The following ZC3H4 variants were observed in gnomAD, a reference collection of about 807,000 sequenced individuals.
The protein encoded by ZC3H4 is zinc finger CCCH domain-containing protein 4.
ZC3H4 carries 13 observed loss-of-function variants against 108.3 expected under a neutral mutation model. That is an observed-to-expected ratio of 0.12 (90% CI 0.08 to 0.19). ZC3H4 has a LOEUF of 0.19. ZC3H4 is among the 10% of genes least tolerant of loss of function. The pLI is 1.00. For missense variants in ZC3H4, 1,734 were observed against 1,838.8 expected, an observed-to-expected ratio of 0.94 and a Z score of 1.04; for synonymous variants, 917 against 749.6, an observed-to-expected ratio of 1.22 and a Z score of -3.65.
intron 3 of ZC3H4, 111 bp from the exon 4 acceptor site, chr19:47,094,191 C>A: frequency 8.6e-7 from 1 of 1,165,288 alleles, no homozygotes; most frequent in East Asian, 2.4e-5. Context: ...CTGCGCTTCA[C>A]CTGAAACACC....
At chr19:47,086,322 C>T in intron 6 of ZC3H4, 62 bp downstream of exon 6, 1 of 1,602,370 alleles carries the variant, frequency 6.2e-7, no homozygotes, top group Non-Finnish European at 8.5e-7. Context: ...ACCAGCAGTG[C>T]TCACGCCCCG....
intron 5 of ZC3H4, among the ~76,000 whole-genome samples, chr19:47,088,564 T>C (rs1281241841): frequency 6.6e-6 from 1 of 150,874 alleles, no homozygotes; most frequent in Non-Finnish European, 1.5e-5. Flanking sequence ...AAAGAAAGAA[T>C]TGCTTCAACC....
At position 47,084,585 on chromosome 19, in the gene ZC3H4, G is replaced by C. The variant is rs1029854251; in HGVS notation, c.1108-130C>G. On this transcript the variant is annotated intron_variant, in intron 8 of 14. Transcript: ENST00000253048. ...GATCTCACAAGAGCACCGATGGGCA[G>C]GCTGCATCTAACACGGAGGCTGCGT... 14 of 852,080 alleles carry C rather than the reference G, an allele frequency of 1.6e-5. No homozygotes were observed. In the Middle Eastern group the frequency reaches 6.6e-4, roughly 40 times the overall value. 52.8% of individuals were successfully genotyped at this position (852,080 alleles called of 1,614,324 possible). A position where few individuals can be genotyped will look rare whatever the true frequency, so the allele number is the denominator to read the frequency against.
In ZC3H4 at chr19:47,084,404, G is replaced by C; in HGVS notation, c.1159C>G (p.Gln387Glu). 6.2e-7 allele frequency: 1 copy of C among 1,614,224 alleles called. No individual in the cohort carries two copies. Among genetic ancestry groups the C allele is most frequent in the South Asian group, 1.1e-5 (1 of 91,088 alleles). ...RSRDHDKPHQ[Q>E]SDKKGKVICK... ...ATGACTTTGCCTTTCTTGTCCGACT[G>C]CTGGTGGGGCTTGTCATGGTCACGA... Residue 387 changes from glutamine to glutamate, a missense_variant, in exon 9 of 15, where the codon CAG becomes GAG. Gln to Glu is a conservative substitution (Grantham distance 29). Coordinates refer to ENST00000253048, the MANE Select transcript of ZC3H4 (RefSeq NM_015168.2).
chr19:47,079,311 G>T (rs2057478593), intron 11 of ZC3H4, among the ~76,000 whole-genome samples: 2 of 151,134 alleles, frequency 1.3e-5, no homozygotes, highest in South Asian at 2.1e-4. Flanking sequence ...TTACAGGAGT[G>T]AGCCACTGCG....
chr19:47,082,184 C>G lies in ZC3H4; in HGVS notation c.1330G>C (p.Gly444Arg). 1.9e-6 allele frequency: 3 copies of G among 1,611,048 alleles called. No homozygotes were observed. The highest frequency in any genetic ancestry group is 2.5e-6 in the Non-Finnish European group (3 of 1,177,244). The stretch of plus-strand genomic sequence containing the variant: ...ACCAGATGCTGGCACTAAAGGATAT[C>G]GTGCATATAAGGGCAGTTCTCAGCT... ...ARAENCPYMH[G>R]DFPCKLYHTT... The change falls in exon 10 of 15, where the codon GGT (glycine) becomes CGT (arginine). Residue 444 changes from glycine (G) to arginine (R), a missense_variant and splice_region_variant. By Grantham distance (125) the Gly-to-Arg change is moderately radical (BLOSUM62 -2). Coordinates refer to ENST00000253048, the MANE Select transcript of ZC3H4 (RefSeq NM_015168.2).
At chr19:47,095,153 C>T (rs1357603991) in intron 2 of ZC3H4, among the ~76,000 whole-genome samples, 2 of 152,214 alleles carry the variant, frequency 1.3e-5, no homozygotes, top group Non-Finnish European at 2.9e-5. Context: ...GTGAGCTGGG[C>T]GTCAGTGCCA....
chr19:47,094,511 C>G lies in ZC3H4; in HGVS notation c.259G>C (p.Gly87Arg), dbSNP rs1361177915. The G allele has an allele frequency of 5.6e-6, 9 of 1,614,110 alleles. No individual in the cohort carries two copies. The highest frequency in any genetic ancestry group is 1.3e-5 in the African/African-American group (1 of 74,950). The change falls in exon 3 of 15, where the codon GGG (glycine) becomes CGG (arginine). Residue 87 changes from glycine (G) to arginine (R), a missense_variant. Physicochemically the swap from Gly to Arg is moderately radical, Grantham distance 125. Transcript: ENST00000253048. ...TCCGAATCACTGTGATGCTTCTCCC[C>G]CTTTTCTTTCCGGCTTCTCTCAGGC... ...GGPERSRKEK[G>R]EKHHSDSDEE...
Position 47,094,516 on chromosome 19 carries a change from T to C in ZC3H4, c.254A>G (p.Glu85Gly), listed in dbSNP as rs376060157. The change falls in exon 3 of 15, where the codon GAA becomes GGA. Residue 85 changes from glutamate (E) to glycine (G), a missense_variant. By Grantham distance (98) the Glu-to-Gly change is moderately conservative. This residue lies in a region of ZC3H4 where 403 missense variants were observed against 457.0 expected (regional missense o/e 0.88). Coordinates refer to ENST00000253048, the MANE Select transcript of ZC3H4 (RefSeq NM_015168.2). ...ATCACTGTGATGCTTCTCCCCCTTT[T>C]CTTTCCGGCTTCTCTCAGGCCCTCC... ...TSGGPERSRKEKGEKHHSDSD... is the reference protein window; with the variant it reads ...TSGGPERSRKGKGEKHHSDSD... The C allele has an allele frequency of 6.2e-6, 10 of 1,614,224 alleles. No homozygotes were observed. In the East Asian group the frequency reaches 1.6e-4, roughly 25 times the overall value.
intron 6 of ZC3H4, 26 bp from the exon 7 acceptor site, chr19:47,085,440 G>T (rs778803534): frequency 9.7e-6 from 15 of 1,539,458 alleles, no homozygotes; most frequent in Non-Finnish European, 1.2e-5. Context: ...GAGAGGGCAG[G>T]AGAGCGTCAG....
In ZC3H4 at chr19:47,072,170, T is replaced by C. The variant is rs775512510; in HGVS notation, c.1803-49A>G. On this transcript the variant is annotated intron_variant, in intron 12 of 14. Coordinates refer to ENST00000253048, the MANE Select transcript of ZC3H4 (RefSeq NM_015168.2). The surrounding 1 kb of genome is among the most constrained non-coding windows in gnomAD (Gnocchi z 5.6). ...TGACGGAAGCTGCCGAGGAGGGCAGTGGCCACACCCCAGAGGAGAGGCGGA... is the reference window on the plus strand; with the variant it reads ...TGACGGAAGCTGCCGAGGAGGGCAGCGGCCACACCCCAGAGGAGAGGCGGA... The C allele has an allele frequency of 1.4e-6, 2 of 1,468,360 alleles. No homozygotes were observed. Among genetic ancestry groups the C allele is most frequent in the Admixed American group, 2.6e-5 (1 of 39,166 alleles). The allele number at this position is 1,468,360 out of a possible 1,614,324, so 91.0% of individuals were successfully genotyped here. A position where few individuals can be genotyped will look rare whatever the true frequency, so the allele number is the denominator to read the frequency against.
chr19:47,081,325 A>AC (rs2057518236), intron 11 of ZC3H4, among the ~76,000 whole-genome samples, 188 bp downstream of exon 11: 1 of 152,196 alleles, frequency 6.6e-6, no homozygotes. Flanking sequence ...GCCTAAGACA[A>AC]CACATGTGAC....
intron 2 of ZC3H4, among the ~76,000 whole-genome samples, chr19:47,109,202 A>G (rs2058005292): frequency 1.3e-5 from 2 of 152,184 alleles, no homozygotes; most frequent in Admixed American, 1.3e-4. Flanking sequence ...TTACCAAAAT[A>G]CAGTTTTTGA....
intron 11 of ZC3H4, among the ~76,000 whole-genome samples, chr19:47,080,285 C>T (rs1204995286): frequency 5.9e-5 from 9 of 152,320 alleles, no homozygotes; most frequent in African/African-American, 2.2e-4. Flanking sequence ...CCTGACTCCT[C>T]AGGGAGGACA....
intron 4 of ZC3H4, among the ~76,000 whole-genome samples, chr19:47,092,408 C>T (rs1300762938): frequency 6.6e-6 from 1 of 152,190 alleles, no homozygotes; most frequent in African/African-American, 2.4e-5. Context: ...AAGGCCAAAC[C>T]TACACCAGTA....
intron 2 of ZC3H4, chr19:47,110,772 G>T: frequency 2.2e-6 from 1 of 462,462 alleles, no homozygotes; most frequent in Non-Finnish European, 2.8e-6. Flanking sequence ...AGGGCTTAGC[G>T]AACAGACCTT....
intron 11 of ZC3H4, among the ~76,000 whole-genome samples, chr19:47,078,414 G>A (rs569129716): frequency 1.3e-3 from 196 of 151,618 alleles, no homozygotes; most frequent in African/African-American, 4.7e-3. Context: ...AACCCAGGAG[G>A]CGGAGGTTGC....
intron 2 of ZC3H4, among the ~76,000 whole-genome samples, chr19:47,108,600 G>C (rs1345353270): frequency 1.3e-5 from 2 of 152,146 alleles, no homozygotes; most frequent in African/African-American, 4.8e-5. Context: ...GTATGGAAAC[G>C]CAAGAGTCAA....
In ZC3H4 at chr19:47,071,867, G is replaced by T. The variant is rs1387083736; in HGVS notation, c.2057C>A (p.Pro686His). ...GAAGTTCTGGGCTGGCGGGATAGGG[G>T]GCATCATTCCAGAATGTGGGGAGTC... ...PGDSPHSGMM[P>H]PIPPAQNFYE... is the part of the protein sequence containing the mutation. Residue 686 changes from proline (P) to histidine (H), a missense_variant, in exon 13 of 15, where the codon CCC becomes CAC. This residue lies in a region of ZC3H4 where 540 missense variants were observed against 484.1 expected (regional missense o/e 1.12). Transcript: ENST00000253048. The T allele has an allele frequency of 6.2e-7, 1 of 1,613,588 alleles. No individual in the cohort carries two copies. The highest frequency in any genetic ancestry group is 8.5e-7 in the Non-Finnish European group (1 of 1,179,822).
Sources: allele counts gnomAD v4.1 joint callset (sites outside exome capture counted in the v4.1 genomes callset), GRCh38; gene constraint gnomAD v4.1.1; regional missense constraint gnomAD v4.1.1; non-coding constraint Gnocchi (gnomAD v3.1); transcripts MANE v1.5; gene names NCBI Gene and HGNC (gene_info 2026-07-23, HGNC 2026-07-21).